Variants in RB1CC1 observed in about 807,000 individuals in gnomAD.
The protein encoded by RB1CC1 is RB1 inducible coiled-coil 1.
A neutral mutation model predicts 177.5 loss-of-function variants in RB1CC1; 46 were observed. That is an observed-to-expected ratio of 0.26 (90% CI 0.20 to 0.33). The LOEUF (loss-of-function observed/expected upper bound fraction) is 0.33. Among genes scored for constraint, RB1CC1 ranks in the 10% least tolerant of loss-of-function variants. RB1CC1 has a pLI of 1.00. For missense variants in RB1CC1, 1,703 were observed against 1,816.3 expected (o/e 0.94, Z 1.13); for synonymous variants, 666 against 613.6 (o/e 1.09, Z -1.26).
At chr8:52,705,776 C>CAT (rs1242634157) in intron 1 of RB1CC1, among the ~76,000 whole-genome samples, 1 of 152,110 alleles carries the variant, frequency 6.6e-6, no homozygotes, top group Non-Finnish European at 1.5e-5. Flanking sequence ...CTGGAGGCTA[C>CAT]AGTGAGCTAT....
rs1362399342 is a variant in RB1CC1 at position 52,676,351 on chromosome 8, T to C, written c.572+18A>G. On this transcript the variant is annotated intron_variant, in intron 6 of 23. Transcript: ENST00000025008. ...AGGCATTTTAAACAAATATTATCCA[T>C]TTTAATGGCAAACATACTGAGTAAG... The C allele has an allele frequency of 1.9e-6, 3 of 1,580,726 alleles. No individual in the cohort carries two copies. The highest frequency in any genetic ancestry group is 2.6e-6 in the Non-Finnish European group (3 of 1,157,456).
intron 15 of RB1CC1, 111 bp from the exon 16 acceptor site, chr8:52,645,978 A>G: frequency 9.4e-7 from 1 of 1,066,524 alleles, no homozygotes; most frequent in East Asian, 2.5e-5. Flanking sequence ...TGTAGCATGA[A>G]AGATATCTGT....
At chr8:52,690,457 G>T (rs1854737677) in intron 1 of RB1CC1, among the ~76,000 whole-genome samples, 2 of 152,142 alleles carry the variant, frequency 1.3e-5, no homozygotes, top group African/African-American at 4.8e-5. Context: ...AAGCAAACAT[G>T]ATATAAGCTG....
chr8:52,626,556 T>C (rs1200169475), intron 22 of RB1CC1, among the ~76,000 whole-genome samples: 2 of 152,274 alleles, frequency 1.3e-5, no homozygotes, highest in East Asian at 3.9e-4. Context: ...TAAAGAAATA[T>C]AGGTTTTCTT....
chr8:52,714,299 G>A lies in RB1CC1; in HGVS notation c.-391C>T, dbSNP rs951122700. 5.7e-6 allele frequency: 1 copy of A among 175,330 alleles called. No individual in the cohort carries two copies. Among genetic ancestry groups the A allele is most frequent in the Admixed American group, 6.5e-5 (1 of 15,348 alleles). The allele number at this position is 175,330 out of a possible 1,614,324, so 10.9% of individuals were successfully genotyped here. On this transcript the variant is annotated 5_prime_UTR_variant, in exon 1 of 24. Coordinates refer to ENST00000025008, the MANE Select transcript of RB1CC1 (RefSeq NM_014781.5). The stretch of plus-strand genomic sequence containing the variant: ...GGACGCGAGCAGGCCCCTCGGCTCT[G>A]GGTCTGGGGCCGGGGGACAGAAGGC...
intron 5 of RB1CC1, 76 bp downstream of exon 5, chr8:52,683,473 G>T: frequency 8.0e-7 from 1 of 1,254,438 alleles, no homozygotes; most frequent in Non-Finnish European, 1.1e-6. Context: ...TACTTCCTAT[G>T]CAATTTAGAC....
chr8:52,692,097 CCAAAA>C lies in RB1CC1; in HGVS notation c.-166-5135_-166-5131del, dbSNP rs533928003. Among the ~76,000 whole-genome samples the C allele has an allele frequency of 4.9e-3, 746 of 152,154 alleles. 7 individuals are homozygous for C. The highest frequency in any genetic ancestry group is 0.017 in the African/African-American group (716 of 41,508). Reference sequence around the variant, plus strand: ...TGTCTAAAGGAACAAACTTAGTAAACCAAAACAAAAGTAAACTTAGCCAGGGGTGT... The same window carrying C: ...TGTCTAAAGGAACAAACTTAGTAAACCAAAAGTAAACTTAGCCAGGGGTGT... On this transcript the variant is annotated intron_variant, in intron 1 of 23. Transcript: ENST00000025008.
intron 15 of RB1CC1, 114 bp from the exon 16 acceptor site, chr8:52,645,981 A>C (rs1230883654): frequency 1.9e-6 from 2 of 1,032,726 alleles, no homozygotes; most frequent in African/African-American, 1.7e-5. Flanking sequence ...AGCATGAAAG[A>C]TATCTGTGTG....
chr8:52,705,857 C>T (rs938879516), intron 1 of RB1CC1, among the ~76,000 whole-genome samples: 1 of 152,094 alleles, frequency 6.6e-6, no homozygotes. Flanking sequence ...TAAATTATTA[C>T]ACAACCCTAT....
intron 5 of RB1CC1, among the ~76,000 whole-genome samples, chr8:52,676,834 G>C (rs926947668): frequency 6.6e-6 from 1 of 152,130 alleles, no homozygotes; most frequent in Non-Finnish European, 1.5e-5. Flanking sequence ...AAGGAGTAGG[G>C]CTTTCAATTA....
At chr8:52,688,767 G>A (rs866560823) in intron 1 of RB1CC1, among the ~76,000 whole-genome samples, 18 of 152,144 alleles carry the variant, frequency 1.2e-4, no homozygotes, top group African/African-American at 4.3e-4. Flanking sequence ...AAAACTTGCT[G>A]GTTTTGAGGC....
intron 5 of RB1CC1, among the ~76,000 whole-genome samples, chr8:52,677,217 T>C (rs1853213750): frequency 6.6e-6 from 1 of 152,158 alleles, no homozygotes; most frequent in Non-Finnish European, 1.5e-5. Flanking sequence ...CTTTGTTAAC[T>C]GGTATGAGAC....
At chr8:52,676,657 G>C in intron 5 of RB1CC1, 86 bp from the exon 6 acceptor site, 2 of 1,179,916 alleles carry the variant, frequency 1.7e-6, no homozygotes, top group Non-Finnish European at 2.4e-6. Context: ...ACATGTACGT[G>C]TGGATGCGTT....
Position 52,703,812 on chromosome 8 carries a change from A to G in RB1CC1, c.-167+10263T>C, listed in dbSNP as rs569908662. The stretch of plus-strand genomic sequence containing the variant: ...GACATATCATACCTCAATACCTAAC[A>G]TACTACCTAGAGACAGTAAACAGTC... On this transcript the variant is annotated intron_variant, in intron 1 of 23. Coordinates refer to ENST00000025008, the MANE Select transcript of RB1CC1 (RefSeq NM_014781.5). Among the ~76,000 whole-genome samples the G allele has an allele frequency of 2.6e-5, 4 of 152,346 alleles. No individual in the cohort carries two copies. In the East Asian group the frequency reaches 7.7e-4, roughly 29 times the overall value.
At chr8:52,661,308 A>G (rs1363096104) in intron 9 of RB1CC1, 27 bp from the exon 10 acceptor site, 7 of 1,603,232 alleles carry the variant, frequency 4.4e-6, no homozygotes, top group Non-Finnish European at 5.9e-6. Flanking sequence ...ATTATTTTCA[A>G]CATTCACAAA....
At chr8:52,655,018 C>T (rs1345130957) in intron 15 of RB1CC1, among the ~76,000 whole-genome samples, 7 of 152,106 alleles carry the variant, frequency 4.6e-5, no homozygotes, top group Non-Finnish European at 1.0e-4. Context: ...GCTTTAAGTA[C>T]TGTCCATCTC....
chr8:52,694,690 G>A (rs1161906213), intron 1 of RB1CC1, among the ~76,000 whole-genome samples: 1 of 152,076 alleles, frequency 6.6e-6, no homozygotes, highest in Non-Finnish European at 1.5e-5. Context: ...TGAACCTCCT[G>A]GTAAGCAGCA....
At position 52,672,389 on chromosome 8, in the gene RB1CC1, G is replaced by A. The variant is rs748825722; in HGVS notation, c.1002+1456C>T. On this transcript the variant is annotated intron_variant, in intron 7 of 23. Transcript: ENST00000025008. ...ACACTGAACATGGAAATACAAAGCC[G>A]ATTTCAGGTTCGCTTCATATATATA... Among the ~76,000 whole-genome samples the A allele has an allele frequency of 3.0e-4, 45 of 152,080 alleles. 1 individual carries two copies. The highest frequency in any genetic ancestry group is 8.5e-4 in the Admixed American group (13 of 15,270).
chr8:52,668,495 C>T (rs1400300907), intron 7 of RB1CC1, among the ~76,000 whole-genome samples: 1 of 152,212 alleles, frequency 6.6e-6, no homozygotes, highest in Non-Finnish European at 1.5e-5. Context: ...TCAATGTCAG[C>T]ATAATATCAT....
Sources: allele counts gnomAD v4.1 joint callset (sites outside exome capture counted in the v4.1 genomes callset), GRCh38; gene constraint gnomAD v4.1.1; transcripts MANE v1.5; gene names NCBI Gene and HGNC (gene_info 2026-07-23, HGNC 2026-07-21).